Variants in CALD1 observed in about 807,000 individuals in gnomAD.
CALD1 encodes the protein caldesmon.
CALD1 carries 33 observed loss-of-function variants against 99.9 expected under a neutral mutation model. The observed-to-expected ratio is 0.33, with a 90% confidence interval of 0.25 to 0.44. CALD1 has a LOEUF of 0.44. CALD1 is among the 20% of genes least tolerant of loss of function. The pLI is 1.00. For missense variants in CALD1, 861 were observed against 962.1 expected, an observed-to-expected ratio of 0.89 and a Z score of 1.39; for synonymous variants, 310 against 325.0, an observed-to-expected ratio of 0.95 and a Z score of 0.50.
chr7:134,955,654 G>T (rs1807705291), intron 9 of CALD1, among the ~76,000 whole-genome samples: 1 of 152,152 alleles, frequency 6.6e-6, no homozygotes, highest in African/African-American at 2.4e-5. Flanking sequence ...TAACAATCCT[G>T]TAGGATCAGG....
intron 5 of CALD1, among the ~76,000 whole-genome samples, chr7:134,935,386 C>A (rs1805881782): frequency 6.6e-6 from 1 of 152,130 alleles, no homozygotes; most frequent in Non-Finnish European, 1.5e-5. Flanking sequence ...CTCATGAACA[C>A]AGCTAAAATT....
intron 1 of CALD1, among the ~76,000 whole-genome samples, chr7:134,762,253 C>G (rs1225119398): frequency 3.9e-5 from 6 of 152,350 alleles, no homozygotes; most frequent in Middle Eastern, 3.4e-3. Flanking sequence ...GTAGTCCCAG[C>G]TCTCCTTGCC....
At chr7:134,963,066 G>A (rs1563138027) in intron 13 of CALD1, 3 of 356,522 alleles carry the variant, frequency 8.4e-6, no homozygotes, top group African/African-American at 2.1e-5. Context: ...TATGGGAAGT[G>A]CAATCCATTT....
intron 3 of CALD1, chr7:134,920,829 T>C: frequency 2.0e-6 from 1 of 498,650 alleles, no homozygotes; most frequent in African/African-American, 2.0e-5. Context: ...TTTTTCAAAA[T>C]ATAGGAATGT....
intron 3 of CALD1, among the ~76,000 whole-genome samples, chr7:134,877,050 C>T (rs902350137): frequency 2.0e-5 from 3 of 152,226 alleles, no homozygotes; most frequent in Non-Finnish European, 4.4e-5. Flanking sequence ...CGAAACAGTT[C>T]TTCCTTATAA....
intron 12 of CALD1, 39 bp downstream of exon 12, chr7:134,960,150 A>G: frequency 6.2e-7 from 1 of 1,607,352 alleles, no homozygotes; most frequent in Non-Finnish European, 8.5e-7. Context: ...GTAGAGGGGC[A>G]TATTTTTTTG....
intron 2 of CALD1, among the ~76,000 whole-genome samples, chr7:134,848,705 T>A (rs1471005613): frequency 6.6e-6 from 1 of 152,212 alleles, no homozygotes; most frequent in Non-Finnish European, 1.5e-5. Flanking sequence ...AAGTATATGA[T>A]ACCATGATTT....
chr7:134,968,809 T>C lies in CALD1; in HGVS notation c.*464T>C, dbSNP rs1808860034. Reference sequence around the variant, plus strand: ...ATCTTAGTAGGCAATTGTAACACTTTTTGAAAGTAACCCATTTCAGATTTG... The same window carrying C: ...ATCTTAGTAGGCAATTGTAACACTTCTTGAAAGTAACCCATTTCAGATTTG... On this transcript the variant is annotated 3_prime_UTR_variant, in exon 15 of 15. Transcript: ENST00000361675. 1 of 207,468 alleles carries C rather than the reference T, an allele frequency of 4.8e-6. No homozygotes were observed. Among genetic ancestry groups the C allele is most frequent in the African/African-American group, 2.3e-5 (1 of 44,334 alleles). The allele number at this position is 207,468 out of a possible 1,614,324, so 12.9% of individuals were successfully genotyped here.
At chr7:134,959,061 T>C (rs1808045810) in intron 11 of CALD1, among the ~76,000 whole-genome samples, 1 of 151,736 alleles carries the variant, frequency 6.6e-6, no homozygotes, top group Admixed American at 6.6e-5. Flanking sequence ...TTATTTTTCA[T>C]AGCACTTAGC....
rs139161693 is a variant in CALD1 at position 134,823,480 on chromosome 7, C to A, written c.-129-20404C>A. Reference sequence around the variant, plus strand: ...TGGTGCTTGGTGTTGTAGAATTCAGCCTTTGTGTGTTCTTTTCCCCCCGTC... The same window carrying A: ...TGGTGCTTGGTGTTGTAGAATTCAGACTTTGTGTGTTCTTTTCCCCCCGTC... On this transcript the variant is annotated intron_variant, in intron 1 of 14. Transcript: ENST00000361675. 2.1e-3 allele frequency among the ~76,000 whole-genome samples: 327 copies of A among 152,238 alleles called. 3 individuals are homozygous for A. The highest frequency in any genetic ancestry group is 7.5e-3 in the African/African-American group (312 of 41,548).
At chr7:134,815,850 T>C (rs3800713) in intron 1 of CALD1, among the ~76,000 whole-genome samples, 86,978 of 152,066 alleles carry the variant, frequency 0.57, 25,794 homozygotes, top group East Asian at 0.95. Context: ...CATTTTAAGA[T>C]ATCTATCCTT....
the CALD1 span, among the ~76,000 whole-genome samples, chr7:134,733,708 C>T: frequency 9.2e-5 from 14 of 151,630 alleles, no homozygotes; most frequent in Middle Eastern, 3.4e-3. Flanking sequence ...ACTGGGGAGG[C>T]TGAGGCAGGA....
chr7:134,900,617 C>T (rs1030837287), intron 3 of CALD1, among the ~76,000 whole-genome samples: 1 of 152,074 alleles, frequency 6.6e-6, no homozygotes, highest in Admixed American at 6.6e-5. Context: ...TGCTGATTCC[C>T]ACATCTGTAT....
chr7:134,842,708 C>T (rs971678681), intron 1 of CALD1, among the ~76,000 whole-genome samples: 3 of 152,158 alleles, frequency 2.0e-5, no homozygotes, highest in Non-Finnish European at 4.4e-5. Context: ...AGAATACTTG[C>T]AGTAGAAATT....
At chr7:134,826,670 G>A (rs1181872531) in intron 1 of CALD1, among the ~76,000 whole-genome samples, 2 of 152,122 alleles carry the variant, frequency 1.3e-5, no homozygotes, top group East Asian at 3.8e-4. Context: ...TTGGTTCATT[G>A]TTCCTAAGTA....
rs755724227 is a variant in CALD1 at position 134,960,047 on chromosome 7, T to C, written c.2135T>C (p.Ile712Thr). 1 of 1,614,070 alleles carries C rather than the reference T, an allele frequency of 6.2e-7. No individual in the cohort carries two copies. The highest frequency in any genetic ancestry group is 8.5e-7 in the Non-Finnish European group (1 of 1,179,988). Residue 712 changes from isoleucine (I) to threonine (T), a missense_variant, in exon 12 of 15, where the codon ATC becomes ACC. Ile to Thr is a moderately conservative substitution (Grantham distance 89). This residue lies in a region of CALD1 where 190 missense variants were observed against 249.0 expected (regional missense o/e 0.76). Transcript: ENST00000361675. The stretch of plus-strand genomic sequence containing the variant: ...GTTCCTGCTGAAGGTGTACGCAACA[T>C]CAAGAGTATGTGGGAGAAAGGGAAT... ...LPVPAEGVRNIKSMWEKGNVF... is the reference protein window; with the variant it reads ...LPVPAEGVRNTKSMWEKGNVF...
the CALD1 span, among the ~76,000 whole-genome samples, chr7:134,712,026 AGAGGGAGGGAAGGAGGGAGAGAGG>A: frequency 9.0e-6 from 1 of 111,578 alleles, no homozygotes; most frequent in Non-Finnish European, 1.8e-5. Flanking sequence ...AAGGAGGGAG[AGAGGGAGGGAAGGAGGGAGAGAGG>A]GAGGGAGGGA....
At chr7:134,831,024 A>G (rs1176008331) in intron 1 of CALD1, among the ~76,000 whole-genome samples, 1 of 152,224 alleles carries the variant, frequency 6.6e-6, no homozygotes, top group Non-Finnish European at 1.5e-5. Context: ...ATCAAGATTT[A>G]TGTACAAGAA....
chr7:134,965,556 C>A, intron 14 of CALD1, 170 bp downstream of exon 14: 3 of 523,012 alleles, frequency 5.7e-6, no homozygotes, highest in East Asian at 3.2e-5. Context: ...AAGCGCATTG[C>A]AAGTTTGTCA....
Sources: gnomAD v4.1 joint callset for allele counts (sites outside exome capture counted in the v4.1 genomes callset) on GRCh38, gnomAD v4.1.1 for gene constraint, gnomAD v4.1.1 regional missense constraint, MANE v1.5 for transcripts, NCBI Gene and HGNC (gene_info 2026-07-23, HGNC 2026-07-21) for gene names.